Variants in PLEKHN1 observed in about 807,000 individuals in gnomAD.
The protein encoded by PLEKHN1 is pleckstrin homology domain-containing family N member 1.
A neutral mutation model predicts 72.8 loss-of-function variants in PLEKHN1; 68 were observed. That is an observed-to-expected ratio of 0.93 (90% CI 0.77 to 1.14). PLEKHN1 has a LOEUF of 1.14. Ranked by LOEUF, PLEKHN1 falls within the 50% of genes most tolerant of loss-of-function variation. The pLI, the probability that PLEKHN1 is intolerant of heterozygous loss-of-function variation, is 0.00. For synonymous variants in PLEKHN1, 454 were observed against 371.6 expected (o/e 1.22, Z -2.55); for missense variants, 1,015 against 840.5 (o/e 1.21, Z -2.57).
chr1:972,449 C>T (rs1643389476), intron 10 of PLEKHN1, 25 bp downstream of exon 10: 1 of 1,542,250 alleles, frequency 6.5e-7, no homozygotes, highest in African/African-American at 1.4e-5. Context: ...GGCCCCACAG[C>T]CCAGGTCCTG....
intron 2 of PLEKHN1, among the ~76,000 whole-genome samples, chr1:969,478 G>C (rs1194396595): frequency 6.6e-6 from 1 of 151,750 alleles, no homozygotes; most frequent in East Asian, 1.9e-4. Flanking sequence ...CAGTGTGCAT[G>C]TGTGCATGCA....
intron 14 of PLEKHN1, 123 bp downstream of exon 14, chr1:974,174 CA>C (rs1643496497): frequency 9.3e-5 from 136 of 1,469,680 alleles, no homozygotes; most frequent in Admixed American, 1.4e-4. Context: ...AGATGGAGGC[CA>C]GGGGGGCCAG....
At position 971,337 on chromosome 1, in the gene PLEKHN1, G is replaced by C; in HGVS notation, c.722G>C (p.Arg241Pro). The C allele has an allele frequency of 1.5e-6, 2 of 1,330,912 alleles. No individual in the cohort carries two copies. The highest frequency in any genetic ancestry group is 2.1e-6 in the Non-Finnish European group (2 of 965,080). The allele number at this position is 1,330,912 out of a possible 1,614,324, so 82.4% of individuals were successfully genotyped here. The change falls in exon 8 of 16, where the codon CGG (arginine) becomes CCG (proline). Residue 241 changes from arginine (R) to proline (P), a missense_variant. Arg to Pro is a moderately radical substitution (Grantham distance 103, BLOSUM62 -2). Transcript: ENST00000379410. ...QHLPAQEQWDRLLVLYPTSLA... is the reference protein window; with the variant it reads ...QHLPAQEQWDPLLVLYPTSLA... ...CCACCCACCCAGGAGCAGTGGGACC[G>C]GCTCTTGGTCCTGTACCCAACGTCC... is the stretch of plus-strand genomic sequence containing the variant.
chr1:972,749 G>C (rs1281801788), intron 10 of PLEKHN1, 112 bp from the exon 11 acceptor site: 9 of 1,324,664 alleles, frequency 6.8e-6, no homozygotes, highest in Non-Finnish European at 8.0e-6. Context: ...CTGGGCGACA[G>C]AATAAGACTT....
chr1:970,517 G>C lies in PLEKHN1; in HGVS notation c.331-4G>C. The C allele has an allele frequency of 6.2e-7, 1 of 1,613,122 alleles. No individual in the cohort carries two copies. The highest frequency in any genetic ancestry group is 8.5e-7 in the Non-Finnish European group (1 of 1,179,962). ...CCGCACTGACGACCCTGCTCCCCGC[G>C]CAGGATGTCAGCGACTGCTACCTGG... On this transcript the variant is annotated splice_polypyrimidine_tract_variant and splice_region_variant and intron_variant, in intron 3 of 15. Transcript: ENST00000379410. The surrounding 1 kb of genome is among the most constrained non-coding windows in gnomAD (Gnocchi z 4.2).
chr1:972,238 C>A, intron 9 of PLEKHN1, 50 bp from the exon 10 acceptor site: 1 of 1,599,978 alleles, frequency 6.3e-7, no homozygotes, highest in Admixed American at 1.7e-5. Flanking sequence ...TTAGTGGGGG[C>A]GCTGAGGGGT....
chr1:971,429 C>A (rs753139184), intron 8 of PLEKHN1, 25 bp downstream of exon 8: 24 of 1,550,638 alleles, frequency 1.5e-5, no homozygotes, highest in Non-Finnish European at 1.9e-5. Context: ...ACTGTGGGCC[C>A]GCCCCAGGGA....
At position 974,771 on chromosome 1, in the gene PLEKHN1, G is replaced by C. The variant is rs1643528193; in HGVS notation, c.*196G>C. ...GCTGGGGCAGGGAAGGGTGGGAGGG[G>C]CCCCATCCAAAGGATGCCCTGGCCA... is the stretch of plus-strand genomic sequence containing the variant. On this transcript the variant is annotated 3_prime_UTR_variant, in exon 16 of 16. Transcript: ENST00000379410. 1.4e-6 allele frequency: 1 copy of C among 735,286 alleles called. No homozygotes were observed. Among genetic ancestry groups the C allele is most frequent in the Admixed American group, 3.0e-5 (1 of 33,180 alleles). The allele number at this position is 735,286 out of a possible 1,614,324, so 45.5% of individuals were successfully genotyped here.
chr1:971,070 C>T (rs776957780), intron 6 of PLEKHN1, 43 bp from the exon 7 acceptor site: 1 of 1,580,830 alleles, frequency 6.3e-7, no homozygotes, highest in Admixed American at 1.8e-5. Context: ...TGACCTCCTC[C>T]TCACAGGGGT....
At chr1:969,649 CGT>C (rs111304798) in intron 2 of PLEKHN1, among the ~76,000 whole-genome samples, 16 of 131,754 alleles carry the variant, frequency 1.2e-4, no homozygotes, top group East Asian at 3.9e-4. Flanking sequence ...TATGTGTGCA[CGT>C]GTGTATCCAT....
rs1643532404 is a variant in PLEKHN1, at chr1:974,857, G to C, written c.*282G>C. ...GTCCACAGGGTCGGCCCTCAGCTCAGCCCGCCAGGAGTCAGGGAGGAGACT... is the reference window on the plus strand; with the variant it reads ...GTCCACAGGGTCGGCCCTCAGCTCACCCCGCCAGGAGTCAGGGAGGAGACT... On this transcript the variant is annotated 3_prime_UTR_variant, in exon 16 of 16. Coordinates refer to ENST00000379410, the MANE Select transcript of PLEKHN1 (RefSeq NM_032129.3). The C allele has an allele frequency of 2.1e-6, 1 of 465,472 alleles. No homozygotes were observed. The allele number at this position is 465,472 out of a possible 1,614,324, so 28.8% of individuals were successfully genotyped here.
chr1:973,563 T>C lies in PLEKHN1; in HGVS notation c.1357T>C (p.Ser453Pro). Residue 453 changes from serine (S) to proline (P), a missense_variant, in exon 13 of 16, where the codon TCG (serine) becomes CCG (proline). Ser to Pro is a moderately conservative substitution (Grantham distance 74). Coordinates refer to ENST00000379410, the MANE Select transcript of PLEKHN1 (RefSeq NM_032129.3). ...APDHTSETSH[S>P]PLYADPYTPP... The stretch of plus-strand genomic sequence containing the variant: ...TGACCACACTTCGGAAACATCACAC[T>C]CGCCCCTCTATGCCGACCCCTACAC... The C allele has an allele frequency of 1.2e-5, 19 of 1,612,904 alleles. No homozygotes were observed. The highest frequency in any genetic ancestry group is 1.5e-5 in the Non-Finnish European group (18 of 1,179,866).
chr1:969,561 CAT>C (rs1227441422), intron 2 of PLEKHN1, among the ~76,000 whole-genome samples: 2 of 151,082 alleles, frequency 1.3e-5, no homozygotes, highest in African/African-American at 4.9e-5. Flanking sequence ...TATGTGTATA[CAT>C]GTGTATGGGT....
At chr1:971,684 C>T (rs779843453) in intron 8 of PLEKHN1, among the ~76,000 whole-genome samples, 6 of 152,194 alleles carry the variant, frequency 3.9e-5, no homozygotes, top group South Asian at 2.1e-4. Context: ...TGTGCCTGCC[C>T]GTGAGGCGTG....
At chr1:971,765 C>A (rs996420323) in intron 8 of PLEKHN1, among the ~76,000 whole-genome samples, 1 of 151,072 alleles carries the variant, frequency 6.6e-6, no homozygotes, top group Non-Finnish European at 1.5e-5. Context: ...CTCACGGTAA[C>A]CTTCAGTCAC....
At chr1:966,908 G>T in intron 2 of PLEKHN1, 105 bp downstream of exon 2, 1 of 1,256,058 alleles carries the variant, frequency 8.0e-7, no homozygotes, top group Admixed American at 2.7e-5. Flanking sequence ...CCCCCGGGGC[G>T]TTCAGACCCC....
rs372654625 is a variant in PLEKHN1, at chr1:966,575, G to C, written c.44G>C (p.Arg15Pro). ...HCVPQAPRRL[R>P]ASFSRKPSLK... ...GTCCCTCAGGCCCCCAGGAGGCTCC[G>C]GGCCTCCTTCTCCAGAAAGCCCTCG... Residue 15 changes from arginine to proline, a missense_variant, in exon 1 of 16, where the codon CGG becomes CCG. Coordinates refer to ENST00000379410, the MANE Select transcript of PLEKHN1 (RefSeq NM_032129.3). The C allele has an allele frequency of 1.7e-5, 27 of 1,610,792 alleles. No homozygotes were observed. Among genetic ancestry groups the C allele is most frequent in the Non-Finnish European group, 2.0e-5 (24 of 1,178,668 alleles).
chr1:971,235 G>T, intron 7 of PLEKHN1, 27 bp downstream of exon 7: 1 of 1,563,024 alleles, frequency 6.4e-7, no homozygotes, highest in Non-Finnish European at 8.7e-7. Flanking sequence ...TGGGGCTGTA[G>T]GGGGATGGGA....
At chr1:973,460 T>G in intron 12 of PLEKHN1, 40 bp from the exon 13 acceptor site, 2 of 1,605,340 alleles carry the variant, frequency 1.2e-6, no homozygotes, top group Non-Finnish European at 1.7e-6. Context: ...CTAGGCTGTT[T>G]CTAGCCGAGA....
Sources: allele counts gnomAD v4.1 joint callset (sites outside exome capture counted in the v4.1 genomes callset), GRCh38; gene constraint gnomAD v4.1.1; non-coding constraint Gnocchi (gnomAD v3.1); transcripts MANE v1.5; gene names NCBI Gene and HGNC (gene_info 2026-07-23, HGNC 2026-07-21).